The following GLCCI1 variants were observed in gnomAD, a reference collection of about 807,000 sequenced individuals.
GLCCI1 encodes the protein glucocorticoid induced 1.
GLCCI1 carries 24 observed loss-of-function variants against 52.2 expected under a neutral mutation model. The ratio of observed to expected loss-of-function variants is 0.46; its 90% CI spans 0.33 to 0.65. GLCCI1 has a LOEUF of 0.65. Among genes scored for constraint, GLCCI1 ranks in the 30% least tolerant of loss-of-function variants. The pLI, the probability that GLCCI1 is intolerant of heterozygous loss-of-function variation, is 0.02. For synonymous variants in GLCCI1, 310 were observed against 276.5 expected, an observed-to-expected ratio of 1.12 and a Z score of -1.20; for missense variants, 704 against 701.5, an observed-to-expected ratio of 1.00 and a Z score of -0.04.
intron 1 of GLCCI1, among the ~76,000 whole-genome samples, chr7:7,992,434 A>G (rs1182336287): frequency 2.0e-5 from 3 of 151,932 alleles, no homozygotes; most frequent in Non-Finnish European, 2.9e-5. Flanking sequence ...TTCAGGAAAG[A>G]CTCATAGGAA....
At position 7,977,530 on chromosome 7, in the gene GLCCI1, GAAATACTAGATTTGGAGTC is replaced by G. The variant is rs538163673; in HGVS notation, c.457+7726_457+7744del. On this transcript the variant is annotated intron_variant, in intron 1 of 7. Coordinates refer to ENST00000223145, the MANE Select transcript of GLCCI1 (RefSeq NM_138426.4). ...TCGTAGAGGCATAAATGTATCCTGGGAAATACTAGATTTGGAGTCAAGAAACCTGAGTTCTCTTTTCAGT... is the reference window on the plus strand; with the variant it reads ...TCGTAGAGGCATAAATGTATCCTGGGAAGAAACCTGAGTTCTCTTTTCAGT... 2.8e-4 allele frequency among the ~76,000 whole-genome samples: 42 copies of G among 152,240 alleles called. No homozygotes were observed. The South Asian group carries it at 3.7e-3, about 14-fold the overall frequency.
intron 1 of GLCCI1, among the ~76,000 whole-genome samples, chr7:7,995,452 G>T (rs1304047201): frequency 6.6e-6 from 1 of 152,222 alleles, no homozygotes; most frequent in African/African-American, 2.4e-5. Flanking sequence ...CAAGGCTGCA[G>T]TGAGCCGAGA....
chr7:8,009,326 C>T lies in GLCCI1; in HGVS notation c.609+5267C>T, dbSNP rs1044639411. Among the ~76,000 whole-genome samples the T allele has an allele frequency of 4.0e-5, 6 of 151,874 alleles. No homozygotes were observed. In the East Asian group the frequency reaches 1.2e-3, roughly 29 times the overall value. ...CACCCCATAGTCTGAGGTGTAGTCT[C>T]TGGACAAATTTTAAATTCTGTGTTT... is the stretch of plus-strand genomic sequence containing the variant. On this transcript the variant is annotated intron_variant, in intron 2 of 7. Coordinates refer to ENST00000223145, the MANE Select transcript of GLCCI1 (RefSeq NM_138426.4).
chr7:7,977,002 C>A (rs1780486982), intron 1 of GLCCI1, among the ~76,000 whole-genome samples: 1 of 152,008 alleles, frequency 6.6e-6, no homozygotes, highest in South Asian at 2.1e-4. Context: ...CTACAACTTC[C>A]TGTCTAGTGT....
At chr7:8,033,820 A>G (rs565719296) in intron 3 of GLCCI1, among the ~76,000 whole-genome samples, 1 of 151,854 alleles carries the variant, frequency 6.6e-6, no homozygotes, top group Non-Finnish European at 1.5e-5. Context: ...TAATTCTCAA[A>G]TTGATATATA....
chr7:8,051,520 G>A (rs1225741576), intron 3 of GLCCI1, among the ~76,000 whole-genome samples: 1 of 152,176 alleles, frequency 6.6e-6, no homozygotes, highest in African/African-American at 2.4e-5. Context: ...GTTACCTTGA[G>A]TGACTTAGTA....
At chr7:7,975,182 A>T (rs938798497) in intron 1 of GLCCI1, among the ~76,000 whole-genome samples, 1 of 152,192 alleles carries the variant, frequency 6.6e-6, no homozygotes, top group African/African-American at 2.4e-5. Context: ...CTTATTCTGA[A>T]AGACAAATTA....
intron 2 of GLCCI1, among the ~76,000 whole-genome samples, chr7:8,015,599 A>T (rs911193773): frequency 6.6e-6 from 1 of 152,198 alleles, no homozygotes; most frequent in African/African-American, 2.4e-5. Context: ...GGATTGTAGA[A>T]TCCTAGAGTT....
intron 3 of GLCCI1, among the ~76,000 whole-genome samples, chr7:8,051,879 A>G (rs774003322): frequency 6.6e-6 from 1 of 152,280 alleles, no homozygotes; most frequent in East Asian, 1.9e-4. Context: ...TGGTGGATAT[A>G]TGTGTTGTAA....
At chr7:7,997,871 G>T (rs1780966287) in intron 1 of GLCCI1, among the ~76,000 whole-genome samples, 8 of 151,926 alleles carry the variant, frequency 5.3e-5, no homozygotes, top group Admixed American at 4.6e-4. Context: ...AGGTTACAGT[G>T]AGCCGAGATC....
intron 6 of GLCCI1, among the ~76,000 whole-genome samples, chr7:8,073,296 T>A (rs989807412): frequency 4.6e-5 from 7 of 150,968 alleles, no homozygotes; most frequent in African/African-American, 1.2e-4. Flanking sequence ...AGGAAAAAAA[T>A]ATCAATTATT....
intron 1 of GLCCI1, among the ~76,000 whole-genome samples, chr7:7,995,509 C>G (rs1246468223): frequency 6.6e-6 from 1 of 152,142 alleles, no homozygotes; most frequent in Non-Finnish European, 1.5e-5. Context: ...CCCAAATGTC[C>G]ATCAATGATA....
chr7:8,074,585 T>A (rs1241933558), intron 6 of GLCCI1, among the ~76,000 whole-genome samples: 1 of 152,010 alleles, frequency 6.6e-6, no homozygotes, highest in African/African-American at 2.4e-5. Context: ...ATTAGGAGGC[T>A]GAGACAAGAG....
intron 1 of GLCCI1, among the ~76,000 whole-genome samples, chr7:8,000,458 G>C (rs1473320940): frequency 1.3e-5 from 2 of 151,956 alleles, no homozygotes; most frequent in East Asian, 3.9e-4. Flanking sequence ...CAATTAGCAA[G>C]GAACATTCCA....
Position 8,086,308 on chromosome 7 carries a change from G to C in GLCCI1, c.1414G>C (p.Ala472Pro). The C allele has an allele frequency of 6.2e-7, 1 of 1,613,986 alleles. No individual in the cohort carries two copies. Among genetic ancestry groups the C allele is most frequent in the Non-Finnish European group, 8.5e-7 (1 of 1,179,942 alleles). The change falls in exon 8 of 8, where the codon GCT becomes CCT. Residue 472 changes from alanine (A) to proline (P), a missense_variant. Ala to Pro is a conservative substitution (Grantham distance 27). Transcript: ENST00000223145. The surrounding 1 kb of genome is among the most constrained non-coding windows in gnomAD (Gnocchi z 4.4). ...PVKLLGPLLP[A>P]SDLMLKNSPN... ...AAAACTTCTAGGCCCCCTCTTACCT[G>C]CTTCTGACCTTATGCTCAAGAACTC... is the stretch of plus-strand genomic sequence containing the variant.
intron 1 of GLCCI1, among the ~76,000 whole-genome samples, chr7:7,996,406 T>C (rs920914057): frequency 6.6e-6 from 1 of 152,164 alleles, no homozygotes; most frequent in Non-Finnish European, 1.5e-5. Flanking sequence ...TTTTGCCATA[T>C]ATGTAATTAA....
intron 6 of GLCCI1, among the ~76,000 whole-genome samples, chr7:8,079,184 C>T (rs1238852208): frequency 6.6e-6 from 1 of 150,990 alleles, no homozygotes; most frequent in Admixed American, 6.6e-5. Context: ...GATTTTTTTT[C>T]CCCACACGTC....
chr7:8,041,385 C>T (rs541005324), intron 3 of GLCCI1, among the ~76,000 whole-genome samples: 1 of 152,264 alleles, frequency 6.6e-6, no homozygotes, highest in South Asian at 2.1e-4. Flanking sequence ...TGAAGAAGTA[C>T]TAAGTGGTGA....
At chr7:8,073,669 T>C (rs558686433) in intron 6 of GLCCI1, among the ~76,000 whole-genome samples, 3 of 152,314 alleles carry the variant, frequency 2.0e-5, no homozygotes, top group South Asian at 4.1e-4. Context: ...GCACAACTTA[T>C]TGGCACATGG....
Sources: allele counts gnomAD v4.1 joint callset (sites outside exome capture counted in the v4.1 genomes callset), GRCh38; gene constraint gnomAD v4.1.1; non-coding constraint Gnocchi (gnomAD v3.1); transcripts MANE v1.5; gene names NCBI Gene and HGNC (gene_info 2026-07-23, HGNC 2026-07-21).